CPQ: variants seen among roughly 807,000 people sequenced by gnomAD.
CPQ encodes the protein Ser-Met dipeptidase.
A neutral mutation model predicts 45.7 loss-of-function variants in CPQ; 37 were observed. The observed-to-expected ratio is 0.81, with a 90% CI of 0.62 to 1.07. The LOEUF is 1.07. CPQ is among the 50% of genes least tolerant of loss of function. The pLI is 0.00. For missense variants in CPQ, 537 were observed against 572.9 expected, an observed-to-expected ratio of 0.94 and a Z score of 0.64; for synonymous variants, 186 against 205.8, an observed-to-expected ratio of 0.90 and a Z score of 0.82.
chr8:96,958,182 C>A (rs946414335), intron 4 of CPQ, among the ~76,000 whole-genome samples: 2 of 151,986 alleles, frequency 1.3e-5, no homozygotes, highest in Non-Finnish European at 2.9e-5. Flanking sequence ...ATGACAAAGG[C>A]CTGGGACATA....
At chr8:96,793,171 A>T (rs908000026) in intron 2 of CPQ, among the ~76,000 whole-genome samples, 1 of 152,204 alleles carries the variant, frequency 6.6e-6, no homozygotes, top group African/African-American at 2.4e-5. Context: ...TAAAATTAAT[A>T]CTTGCTTATT....
At chr8:96,979,188 G>T (rs1225137978) in intron 5 of CPQ, among the ~76,000 whole-genome samples, 1 of 152,082 alleles carries the variant, frequency 6.6e-6, no homozygotes, top group Non-Finnish European at 1.5e-5. Context: ...GTTTGTGAAG[G>T]GTACTGGATG....
intron 1 of CPQ, among the ~76,000 whole-genome samples, chr8:96,754,700 G>A (rs1352874669): frequency 1.3e-5 from 2 of 151,874 alleles, no homozygotes; most frequent in African/African-American, 2.4e-5. Context: ...TTGTTAAAAC[G>A]TGATTGTGAG....
chr8:96,850,579 TTTTATTTTATTTATTTATTTA>T (rs1334065711), intron 3 of CPQ, among the ~76,000 whole-genome samples: 36 of 144,598 alleles, frequency 2.5e-4, no homozygotes, highest in Middle Eastern at 3.6e-3. Context: ...TTTTATTTTA[TTTTATTTTATTTATTTATTTA>T]TTTATTTATT....
chr8:96,949,733 G>A (rs1168569361), intron 4 of CPQ, among the ~76,000 whole-genome samples: 1 of 152,028 alleles, frequency 6.6e-6, no homozygotes, highest in Non-Finnish European at 1.5e-5. Context: ...CAGTTAACCT[G>A]GCTTAGGTCT....
Position 96,785,335 on chromosome 8 carries a change from T to C in CPQ, c.433+5T>C. ...GCATTGGGACTCCTCCAGAAGGTAT[T>C]GTTTGTCTTTTCAGTTTGATTTGTA... is the stretch of plus-strand genomic sequence containing the variant. On this transcript the variant is annotated splice_donor_5th_base_variant and intron_variant, in intron 2 of 7. Coordinates refer to ENST00000220763, the MANE Select transcript of CPQ (RefSeq NM_016134.4). The C allele has an allele frequency of 2.5e-6, 4 of 1,575,760 alleles. No homozygotes were observed. The highest frequency in any genetic ancestry group is 3.4e-6 in the Non-Finnish European group (4 of 1,160,604).
At chr8:96,775,031 T>G (rs184334102) in intron 1 of CPQ, among the ~76,000 whole-genome samples, 2 of 152,280 alleles carry the variant, frequency 1.3e-5, no homozygotes, top group Admixed American at 1.3e-4. Flanking sequence ...CTCTGGGACT[T>G]GCCATCATGG....
intron 7 of CPQ, among the ~76,000 whole-genome samples, chr8:97,069,471 A>T (rs11990753): frequency 1.5e-5 from 2 of 133,958 alleles, no homozygotes; most frequent in Non-Finnish European, 1.6e-5. Context: ...ATCTGTCTCT[A>T]AAAAAAAAAA....
intron 3 of CPQ, among the ~76,000 whole-genome samples, chr8:96,878,289 T>C (rs1177901963): frequency 6.6e-6 from 1 of 152,224 alleles, no homozygotes; most frequent in African/African-American, 2.4e-5. Flanking sequence ...TTAGAAATGT[T>C]CATAGAGGGT....
intron 1 of CPQ, among the ~76,000 whole-genome samples, chr8:96,726,650 G>A (rs1164843749): frequency 1.3e-5 from 2 of 152,022 alleles, no homozygotes; most frequent in Non-Finnish European, 2.9e-5. Context: ...AACCATTCAC[G>A]AGAAATCCAC....
chr8:96,816,433 G>C (rs1811229624), intron 2 of CPQ, among the ~76,000 whole-genome samples: 1 of 152,100 alleles, frequency 6.6e-6, no homozygotes, highest in South Asian at 2.1e-4. Flanking sequence ...CTCCTCTGAA[G>C]TCTTGAACCC....
intron 1 of CPQ, among the ~76,000 whole-genome samples, chr8:96,687,623 A>G (rs1809250059): frequency 1.4e-5 from 2 of 147,858 alleles, no homozygotes; most frequent in Non-Finnish European, 3.0e-5. Flanking sequence ...TATCTCTTTC[A>G]TTCTTTCTTG....
chr8:96,731,105 G>T (rs1466019924), intron 1 of CPQ, among the ~76,000 whole-genome samples: 2 of 151,832 alleles, frequency 1.3e-5, no homozygotes, highest in East Asian at 3.9e-4. Context: ...AGGGTCTGAA[G>T]AGTAGGACTA....
intron 2 of CPQ, among the ~76,000 whole-genome samples, chr8:96,830,784 A>C (rs1374667691): frequency 6.6e-6 from 1 of 152,158 alleles, no homozygotes; most frequent in African/African-American, 2.4e-5. Flanking sequence ...AGATTAAGGA[A>C]AAGAATTGCT....
intron 3 of CPQ, among the ~76,000 whole-genome samples, chr8:96,852,532 C>T (rs188607688): frequency 1.1e-3 from 164 of 152,304 alleles, no homozygotes; most frequent in Middle Eastern, 6.8e-3. Context: ...TTCTGCTCTG[C>T]ACACATCCCA....
At chr8:96,686,810 A>G (rs1178384026) in intron 1 of CPQ, among the ~76,000 whole-genome samples, 1 of 152,142 alleles carries the variant, frequency 6.6e-6, no homozygotes, top group Non-Finnish European at 1.5e-5. Context: ...GAAACCAACT[A>G]TGTGTTGAAC....
chr8:96,800,732 T>C (rs1810995608), intron 2 of CPQ, among the ~76,000 whole-genome samples: 1 of 152,190 alleles, frequency 6.6e-6, no homozygotes, highest in African/African-American at 2.4e-5. Flanking sequence ...TACAATTGCA[T>C]ATGTATACAT....
chr8:96,777,088 T>C (rs772087220), intron 1 of CPQ, among the ~76,000 whole-genome samples: 4 of 152,132 alleles, frequency 2.6e-5, no homozygotes, highest in Admixed American at 6.6e-5. Context: ...AGTTTATTAG[T>C]ATTTCAGGGA....
chr8:97,105,693 A>G (rs531238093), intron 7 of CPQ, among the ~76,000 whole-genome samples: 3 of 152,318 alleles, frequency 2.0e-5, no homozygotes, highest in Non-Finnish European at 4.4e-5. Context: ...ATCTAAAAGC[A>G]TTGGTCACGT....
Sources: allele counts gnomAD v4.1 joint callset (sites outside exome capture counted in the v4.1 genomes callset), GRCh38; gene constraint gnomAD v4.1.1; transcripts MANE v1.5; gene names NCBI Gene and HGNC (gene_info 2026-07-23, HGNC 2026-07-21).